Variants in XRCC2 observed in about 807,000 individuals in gnomAD.
XRCC2 encodes the protein X-ray repair cross complementing 2, also known as DNA repair protein XRCC2.
XRCC2 carries 24 observed loss-of-function variants against 27.3 expected under a neutral mutation model. The observed-to-expected ratio is 0.88, with a 90% CI of 0.64 to 1.24. The LOEUF is 1.24. Among genes scored for constraint, XRCC2 ranks in the 50% most tolerant of loss-of-function variants. XRCC2 has a pLI of 0.00. For missense variants in XRCC2, 321 were observed against 325.8 expected, an observed-to-expected ratio of 0.99 and a Z score of 0.11; for synonymous variants, 106 against 115.4, an observed-to-expected ratio of 0.92 and a Z score of 0.52.
At chr7:152,669,250 A>G (rs1355818254) in intron 1 of XRCC2, among the ~76,000 whole-genome samples, 4 of 152,110 alleles carry the variant, frequency 2.6e-5, no homozygotes, top group Admixed American at 1.3e-4. Flanking sequence ...ACAGGAGGAA[A>G]GCCATCTGAG....
chr7:152,659,519 T>C (rs10230502), intron 2 of XRCC2, among the ~76,000 whole-genome samples: 15,671 of 152,198 alleles, frequency 0.1, 1,209 homozygotes, highest in Admixed American at 0.21. Context: ...TCTTCAAAGA[T>C]ATACAATTTG....
chr7:152,660,868 G>A (rs922476027), intron 1 of XRCC2, 86 bp from the exon 2 acceptor site: 3 of 1,209,948 alleles, frequency 2.5e-6, no homozygotes, highest in African/African-American at 1.5e-5. Context: ...CCGAAAGTCT[G>A]TAAGATTTCA....
At chr7:152,652,014 A>G (rs551573493) in intron 2 of XRCC2, among the ~76,000 whole-genome samples, 1 of 151,886 alleles carries the variant, frequency 6.6e-6, no homozygotes, top group South Asian at 2.1e-4. Flanking sequence ...AAAAATTAAA[A>G]AAAAGAAATA....
intron 1 of XRCC2, among the ~76,000 whole-genome samples, chr7:152,675,658 T>C (rs1158807110): frequency 6.6e-6 from 1 of 152,214 alleles, no homozygotes; most frequent in Non-Finnish European, 1.5e-5. Context: ...ACCCCTCCCC[T>C]TTTCTAGCTT....
At chr7:152,652,214 C>T (rs1267187528) in intron 2 of XRCC2, among the ~76,000 whole-genome samples, 1 of 151,624 alleles carries the variant, frequency 6.6e-6, no homozygotes, top group African/African-American at 2.4e-5. Context: ...AGGAGTAAAA[C>T]TATTTTCATA....
chr7:152,672,364 T>C (rs2098038522), intron 1 of XRCC2, among the ~76,000 whole-genome samples: 1 of 152,246 alleles, frequency 6.6e-6, no homozygotes, highest in Non-Finnish European at 1.5e-5. Context: ...TATTTGCCTC[T>C]AGCAAAGACC....
intron 1 of XRCC2, among the ~76,000 whole-genome samples, chr7:152,665,740 C>T (rs1340049710): frequency 6.6e-6 from 1 of 151,952 alleles, no homozygotes; most frequent in East Asian, 1.9e-4. Flanking sequence ...CCTTGGCCTC[C>T]CAAAGTGCTG....
intron 1 of XRCC2, chr7:152,663,964 G>A (rs895593269): frequency 1.3e-5 from 2 of 149,924 alleles, no homozygotes; most frequent in African/African-American, 5.1e-5. Context: ...TGGAAGCTAA[G>A]GTCAGCTATG....
Position 152,665,153 on chromosome 7 carries a change from T to C in XRCC2, c.40-4371A>G, listed in dbSNP as rs2098035027. On this transcript the variant is annotated intron_variant, in intron 1 of 2. Transcript: ENST00000359321. ...ATCAGGAAATAGGGGCATTCAATAT[T>C]TCAAGTTGCCCATTTGGTCCCTTCC... Among the ~76,000 whole-genome samples, 3 of 152,240 alleles carry C rather than the reference T, an allele frequency of 2.0e-5. No individual in the cohort carries two copies. The East Asian group carries it at 5.8e-4, about 29-fold the overall frequency.
At chr7:152,657,891 G>A (rs907856790) in intron 2 of XRCC2, among the ~76,000 whole-genome samples, 4 of 149,238 alleles carry the variant, frequency 2.7e-5, no homozygotes, top group Non-Finnish European at 5.9e-5. Flanking sequence ...AAAGGAGAAA[G>A]AAACAGAAAA....
chr7:152,657,814 T>C (rs2098031317), intron 2 of XRCC2, among the ~76,000 whole-genome samples: 1 of 152,048 alleles, frequency 6.6e-6, no homozygotes, highest in Non-Finnish European at 1.5e-5. Flanking sequence ...CAGAAAAATA[T>C]AGTGAAAACA....
intron 1 of XRCC2, among the ~76,000 whole-genome samples, chr7:152,661,387 C>A (rs1326809192): frequency 6.6e-6 from 1 of 152,194 alleles, no homozygotes; most frequent in African/African-American, 2.4e-5. Flanking sequence ...TCTTACCACA[C>A]TTGTTACACA....
intron 1 of XRCC2, among the ~76,000 whole-genome samples, chr7:152,669,546 G>A (rs1021862639): frequency 7.9e-5 from 12 of 151,932 alleles, no homozygotes; most frequent in Non-Finnish European, 1.5e-4. Flanking sequence ...GGGATTACAG[G>A]CGCCCACCAC....
At chr7:152,669,261 G>T (rs1331235943) in intron 1 of XRCC2, among the ~76,000 whole-genome samples, 1 of 152,104 alleles carries the variant, frequency 6.6e-6, no homozygotes, top group Non-Finnish European at 1.5e-5. Flanking sequence ...GCCATCTGAG[G>T]TCCTGTCTGG....
At chr7:152,673,132 C>T (rs957351211) in intron 1 of XRCC2, among the ~76,000 whole-genome samples, 9 of 152,208 alleles carry the variant, frequency 5.9e-5, no homozygotes, top group African/African-American at 1.9e-4. Context: ...ATATGTTTTC[C>T]ACTCTCCACC....
Position 152,660,769 on chromosome 7 carries a change from A to G in XRCC2, c.53T>C (p.Leu18Pro). The change falls in exon 2 of 3, where the codon CTT (leucine) becomes CCT (proline). Residue 18 changes from leucine (L) to proline (P), a missense_variant. Transcript: ENST00000359321. Reference sequence around the variant, plus strand: ...TTCTTTCAAGGAACTTCTACCTTCAAGTCGGGCAAGGAGCTTATAAAAGAA... The same window carrying G: ...TTCTTTCAAGGAACTTCTACCTTCAGGTCGGGCAAGGAGCTTATAAAAGAA... The part of the protein sequence containing the change: ...AESGTELLAR[L>P]EGRSSLKEIE... 6.2e-7 allele frequency: 1 copy of G among 1,612,944 alleles called. No homozygotes were observed. The highest frequency in any genetic ancestry group is 8.5e-7 in the Non-Finnish European group (1 of 1,179,630).
At chr7:152,665,344 T>C (rs1157517204) in intron 1 of XRCC2, among the ~76,000 whole-genome samples, 1 of 152,150 alleles carries the variant, frequency 6.6e-6, no homozygotes, top group African/African-American at 2.4e-5. Flanking sequence ...TCCTCTTATA[T>C]ATCTACATGT....
At chr7:152,657,356 G>A (rs1448759436) in intron 2 of XRCC2, among the ~76,000 whole-genome samples, 2 of 152,070 alleles carry the variant, frequency 1.3e-5, no homozygotes, top group African/African-American at 2.4e-5. Context: ...CTGGAGTGCA[G>A]TGGTGCAATC....
At chr7:152,657,233 C>CT (rs1257526616) in intron 2 of XRCC2, among the ~76,000 whole-genome samples, 1 of 15,916 alleles carries the variant, frequency 6.3e-5, no homozygotes, top group African/African-American at 2.1e-4. Context: ...GAGACTCCAT[C>CT]TAAAAAAAAA....
Sources: allele counts gnomAD v4.1 joint callset (sites outside exome capture counted in the v4.1 genomes callset), GRCh38; gene constraint gnomAD v4.1.1; transcripts MANE v1.5; gene names NCBI Gene and HGNC (gene_info 2026-07-23, HGNC 2026-07-21).